Variants in PCTP observed in about 807,000 individuals in gnomAD.
The protein encoded by PCTP is phosphatidylcholine transfer protein.
In PCTP, 27 loss-of-function variants were observed where a neutral mutation model predicts 31.0. The ratio of observed to expected loss-of-function variants is 0.87; its 90% confidence interval spans 0.64 to 1.20. PCTP has a LOEUF of 1.20. PCTP is among the 50% of genes most tolerant of loss of function. PCTP has a pLI of 0.00. For missense variants in PCTP, 287 were observed against 268.2 expected (o/e 1.07, Z -0.49); for synonymous variants, 108 against 101.2 (o/e 1.07, Z -0.40).
chr17:55,824,848 C>T (rs1343062368), downstream of PCTP, among the ~76,000 whole-genome samples: 1 of 152,318 alleles, frequency 6.6e-6, no homozygotes, highest in Non-Finnish European at 1.5e-5. Flanking sequence ...ACGGTATAGA[C>T]TTTATAACAC....
chr17:55,799,559 T>C lies in PCTP; in HGVS notation c.317+11905T>C, dbSNP rs571012476. On this transcript the variant is annotated intron_variant, in intron 3 of 3. Transcript: ENST00000572536. ...CAGTCTGTGTCTTTTAATTGGGGCA[T>C]TTAGCCTATTTACATTTAAGGTTAA... Among the ~76,000 whole-genome samples, 49 of 152,290 alleles carry C rather than the reference T, an allele frequency of 3.2e-4. 2 individuals are homozygous for C. Among genetic ancestry groups the C allele is most frequent in the African/African-American group, 1.2e-3 (49 of 41,572 alleles).
At position 55,812,439 on chromosome 17, in the gene PCTP, A is replaced by G. The variant is rs149205010; in HGVS notation, c.318-10322A>G. ...ATGATGTGCCAAGTTTTAAGCCCAG[A>G]CATTCTGTTGCCAAGGCTTGCTACA... On this transcript the variant is annotated intron_variant, in intron 3 of 3. Transcript: ENST00000572536. Among the ~76,000 whole-genome samples, 569 of 152,342 alleles carry G rather than the reference A, an allele frequency of 3.7e-3. 2 individuals carry two copies. Among genetic ancestry groups the G allele is most frequent in the Non-Finnish European group, 3.9e-3 (263 of 68,034 alleles).
At chr17:55,805,886 A>ATGTGTG (rs58345619) in intron 3 of PCTP, among the ~76,000 whole-genome samples, 2,189 of 142,848 alleles carry the variant, frequency 0.015, 24 homozygotes, top group Non-Finnish European at 0.024. Context: ...CTCAATCTGT[A>ATGTGTG]TGTGTGTGTG....
At chr17:55,797,034 G>T (rs979254556) in intron 3 of PCTP, among the ~76,000 whole-genome samples, 16 of 151,808 alleles carry the variant, frequency 1.1e-4, no homozygotes, top group Non-Finnish European at 2.2e-4. Context: ...TTCAAATAAT[G>T]GATAGTAGAA....
intron 3 of PCTP, among the ~76,000 whole-genome samples, chr17:55,815,271 A>T (rs1406150805): frequency 6.6e-6 from 1 of 152,236 alleles, no homozygotes; most frequent in African/African-American, 2.4e-5. Context: ...AATATTGGAA[A>T]TTTGGGGAAA....
downstream of PCTP, among the ~76,000 whole-genome samples, chr17:55,779,770 A>G (rs1309614867): frequency 6.6e-6 from 1 of 152,184 alleles, no homozygotes; most frequent in Non-Finnish European, 1.5e-5. Flanking sequence ...TATTACTTTG[A>G]ATCCTCTCCA....
rs568198104 is a variant in PCTP, at chr17:55,757,559, A to C, written c.141+6315A>C. ...TATATATGAATATATACACATGTAT[A>C]TGTGTGTGTGTATATATACTAATCA... On this transcript the variant is annotated intron_variant, in intron 1 of 5. Coordinates refer to ENST00000268896, the MANE Select transcript of PCTP (RefSeq NM_021213.4). Among the ~76,000 whole-genome samples, 13 of 42,928 alleles carry C rather than the reference A, an allele frequency of 3.0e-4. No homozygotes were observed. The South Asian group carries it at 0.021, about 68-fold the overall frequency. 28.2% of individuals were successfully genotyped at this position (42,928 alleles called of 152,430 possible).
At chr17:55,782,332 A>G (rs1911593981), downstream of PCTP, among the ~76,000 whole-genome samples, 1 of 152,226 alleles carries the variant, frequency 6.6e-6, no homozygotes, top group Non-Finnish European at 1.5e-5. Flanking sequence ...GACAGCCCAT[A>G]GCCTAGTCAA....
chr17:55,766,258 CT>C (rs1210880476), intron 1 of PCTP, among the ~76,000 whole-genome samples: 3,185 of 138,208 alleles, frequency 0.023, 36 homozygotes, highest in African/African-American at 0.036. Flanking sequence ...AGCTGCTTTT[CT>C]TTTTTTTTTT....
rs550678289 is a variant in PCTP, at chr17:55,789,904, A to G, written c.317+2250A>G. On this transcript the variant is annotated intron_variant, in intron 3 of 3. Coordinates refer to the PCTP transcript ENST00000572536. ...ATGAACATTGATGCAAAAATCCTCA[A>G]TAAAATACTGGCAAACCGAATCCAG... 2.1e-3 allele frequency among the ~76,000 whole-genome samples: 318 copies of G among 152,228 alleles called. 1 individual carries two copies. The highest frequency in any genetic ancestry group is 7.4e-3 in the African/African-American group (308 of 41,552).
intron 3 of PCTP, among the ~76,000 whole-genome samples, chr17:55,791,733 T>A (rs1911990587): frequency 6.6e-6 from 1 of 152,186 alleles, no homozygotes; most frequent in African/African-American, 2.4e-5. Context: ...TCAACCATTG[T>A]GGAAGTCAGT....
intron 3 of PCTP, among the ~76,000 whole-genome samples, chr17:55,813,340 C>T (rs575010165): frequency 3.3e-5 from 5 of 152,216 alleles, no homozygotes; most frequent in Admixed American, 2.6e-4. Flanking sequence ...GGTGCGATCT[C>T]GGCTCACTGC....
At chr17:55,763,110 T>G (rs1452528965) in intron 1 of PCTP, among the ~76,000 whole-genome samples, 1 of 152,220 alleles carries the variant, frequency 6.6e-6, no homozygotes, top group Admixed American at 6.5e-5. Flanking sequence ...TGAGTAAGCT[T>G]CTTTGGAGTC....
intron 3 of PCTP, among the ~76,000 whole-genome samples, chr17:55,789,808 C>G (rs1026109527): frequency 6.6e-6 from 1 of 152,172 alleles, no homozygotes; most frequent in Non-Finnish European, 1.5e-5. Flanking sequence ...TTTTATGATG[C>G]CAGCATCATC....
At position 55,805,627 on chromosome 17, in the gene PCTP, A is replaced by G. The variant is rs375523065; in HGVS notation, c.318-17134A>G. Among the ~76,000 whole-genome samples the G allele has an allele frequency of 1.2e-4, 18 of 152,020 alleles. No individual in the cohort carries two copies. The South Asian group carries it at 3.7e-3, about 32-fold the overall frequency. On this transcript the variant is annotated intron_variant, in intron 3 of 3. Transcript: ENST00000572536. ...ATATATATACACACACATATATATGATAGGAGATTTTAATGTACCTCTGAC... is the reference window on the plus strand; with the variant it reads ...ATATATATACACACACATATATATGGTAGGAGATTTTAATGTACCTCTGAC...
At chr17:55,809,331 T>C (rs1179797496) in intron 3 of PCTP, among the ~76,000 whole-genome samples, 2 of 152,192 alleles carry the variant, frequency 1.3e-5, no homozygotes, top group Non-Finnish European at 2.9e-5. Context: ...ACATCTATTA[T>C]CTCTCTGTAT....
rs2144975927 is a variant in PCTP, at chr17:55,776,365, A to G, written c.*265A>G. 2 of 1,322,496 alleles carry G rather than the reference A, an allele frequency of 1.5e-6. No individual in the cohort carries two copies. Among genetic ancestry groups the G allele is most frequent in the East Asian group, 2.9e-5 (1 of 35,034 alleles). 81.9% of individuals were successfully genotyped at this position (1,322,496 alleles called of 1,614,324 possible). A position where few individuals can be genotyped will look rare whatever the true frequency, so the allele number is the denominator to read the frequency against. On this transcript the variant is annotated 3_prime_UTR_variant, in exon 6 of 6. Transcript: ENST00000268896. ...CCTGGGCTGGGCTGCCTTCTTCTAC[A>G]GTTCAATATGGGGCAGACTAGGGAA...
intron 1 of PCTP, among the ~76,000 whole-genome samples, chr17:55,756,937 A>G (rs538026596): frequency 7.2e-5 from 11 of 152,254 alleles, no homozygotes; most frequent in African/African-American, 2.6e-4. Flanking sequence ...GCCAGGCCCT[A>G]CTTACTGGCC....
At chr17:55,816,557 C>T (rs892629287) in intron 3 of PCTP, among the ~76,000 whole-genome samples, 3 of 152,178 alleles carry the variant, frequency 2.0e-5, no homozygotes, top group African/African-American at 7.2e-5. Flanking sequence ...ATGCCATTAC[C>T]CATGGCGTGT....
Sources: allele counts gnomAD v4.1 joint callset (sites outside exome capture counted in the v4.1 genomes callset), GRCh38; gene constraint gnomAD v4.1.1; transcripts MANE v1.5; gene names NCBI Gene and HGNC (gene_info 2026-07-23, HGNC 2026-07-21).